CDC37: variants seen among roughly 807,000 people sequenced by gnomAD.
CDC37 encodes the protein cell division cycle 37, HSP90 cochaperone.
A neutral mutation model predicts 46.9 loss-of-function variants in CDC37; 9 were observed. That is an observed-to-expected ratio of 0.19 (90% CI 0.12 to 0.33). The LOEUF (loss-of-function observed/expected upper bound fraction) is 0.33, where lower values mean the gene tolerates loss of function less well. Among genes scored for constraint, CDC37 ranks in the 10% least tolerant of loss-of-function variants. The probability of loss-of-function intolerance (pLI) is 1.00; values close to 1 mark genes in which losing one functional copy is unlikely to be tolerated. For missense variants in CDC37, 388 were observed against 514.6 expected, an observed-to-expected ratio of 0.75 and a Z score of 2.38; for synonymous variants, 193 against 191.0, an observed-to-expected ratio of 1.01 and a Z score of -0.09.
At chr19:10,395,788 C>A in intron 2 of CDC37, 140 bp downstream of exon 2, 1 of 558,578 alleles carries the variant, frequency 1.8e-6, no homozygotes, top group Non-Finnish European at 2.9e-6. Flanking sequence ...CCCGTCCATC[C>A]CTCAGCTCCC....
At chr19:10,391,733 G>T (rs1194819543) in intron 7 of CDC37, 27 bp from the exon 8 acceptor site, 14 of 1,605,408 alleles carry the variant, frequency 8.7e-6, no homozygotes, top group Admixed American at 1.7e-5. Flanking sequence ...GGCAGATGAG[G>T]TGGGGCCGCC....
At chr19:10,402,110 T>C (rs1207067492) in intron 1 of CDC37, among the ~76,000 whole-genome samples, 1 of 141,752 alleles carries the variant, frequency 7.1e-6, no homozygotes, top group African/African-American at 2.7e-5. Flanking sequence ...TGAGCCAAGA[T>C]TGTGCCACTG....
At chr19:10,392,768 C>T in intron 7 of CDC37, 1 of 429,996 alleles carries the variant, frequency 2.3e-6, no homozygotes, top group Non-Finnish European at 4.2e-6. Flanking sequence ...CATGTGCTCA[C>T]CTCCCTTTCC....
In CDC37 at chr19:10,396,031, C is replaced by A. The variant is rs150997404; in HGVS notation, c.275G>T (p.Arg92Leu). 6.2e-7 allele frequency: 1 copy of A among 1,613,872 alleles called. No individual in the cohort carries two copies. The highest frequency in any genetic ancestry group is 8.5e-7 in the Non-Finnish European group (1 of 1,179,952). ...CTGCTCCCAGCTCCGCTCCTCCTTGCGCAGCTGCTGTGCCTCGGCCTGCAG... is the reference window on the plus strand; with the variant it reads ...CTGCTCCCAGCTCCGCTCCTCCTTGAGCAGCTGCTGTGCCTCGGCCTGCAG... ...ERLQAEAQQL[R>L]KEERSWEQKL... The change falls in exon 2 of 8, where the codon CGC becomes CTC. Residue 92 changes from arginine (R) to leucine (L), a missense_variant. By Grantham distance (102) the Arg-to-Leu change is moderately radical. Coordinates refer to ENST00000222005, the MANE Select transcript of CDC37 (RefSeq NM_007065.4). This position sits in a 1 kb window ranked among gnomAD's most constrained non-coding sequence, Gnocchi z 5.9.
At chr19:10,399,147 G>A (rs1055966589) in intron 1 of CDC37, among the ~76,000 whole-genome samples, 7 of 152,046 alleles carry the variant, frequency 4.6e-5, no homozygotes, top group Admixed American at 1.3e-4. Flanking sequence ...CCTGAGCCTC[G>A]GATTCCCCTA....
rs762736154 is a variant in CDC37, at chr19:10,393,329, T to G, written c.839A>C (p.Glu280Ala). 1.2e-6 allele frequency: 2 copies of G among 1,613,892 alleles called. No individual in the cohort carries two copies. Among genetic ancestry groups the G allele is most frequent in the South Asian group, 2.2e-5 (2 of 91,064 alleles). Reference protein sequence around the residue: ...RIEKAMKEYEEEERKKRLGPG... With the variant: ...RIEKAMKEYEAEERKKRLGPG... ...GCCGAGCCGCTTCTTGCGCTCCTCC[T>G]CCTCGTACTCCTTCATGGCCTTCTC... Residue 280 changes from glutamate (E) to alanine (A), a missense_variant, in exon 6 of 8, where the codon GAG becomes GCG. Transcript: ENST00000222005. This position sits in a 1 kb window ranked among gnomAD's most constrained non-coding sequence, Gnocchi z 4.9.
rs779427102 is a variant in CDC37, at chr19:10,391,720, G to A, written c.982-14C>T. 6.2e-7 allele frequency: 1 copy of A among 1,608,622 alleles called. No homozygotes were observed. The highest frequency in any genetic ancestry group is 8.5e-7 in the Non-Finnish European group (1 of 1,176,822). ...GTACTTTGCGTCCTGTGAGGAGAAG[G>A]CAGGCAGATGAGGTGGGGCCGCCAG... On this transcript the variant is annotated splice_polypyrimidine_tract_variant and intron_variant, in intron 7 of 7. Coordinates refer to ENST00000222005, the MANE Select transcript of CDC37 (RefSeq NM_007065.4).
chr19:10,391,569 C>T lies in CDC37; in HGVS notation c.1119G>A (p.Glu373=). Reference sequence around the variant, plus strand: ...GGGCAGGTCACACACTGACATCCTTCTCATCGCCCGTCTTGGGAACAGCTT... The same window carrying T: ...GGGCAGGTCACACACTGACATCCTTTTCATCGCCCGTCTTGGGAACAGCTT... The part of the protein sequence containing the change: ...LLEAVPKTGD[E]KDVSV The change falls in exon 8 of 8, where the codon GAG becomes GAA. Residue 373 remains glutamate (E), a synonymous_variant. Coordinates refer to ENST00000222005, the MANE Select transcript of CDC37 (RefSeq NM_007065.4). 1 of 1,614,240 alleles carries T rather than the reference C, an allele frequency of 6.2e-7. No individual in the cohort carries two copies. Among genetic ancestry groups the T allele is most frequent in the Non-Finnish European group, 8.5e-7 (1 of 1,180,036 alleles).
At chr19:10,402,182 A>G (rs896615869) in intron 1 of CDC37, among the ~76,000 whole-genome samples, 9 of 146,196 alleles carry the variant, frequency 6.2e-5, no homozygotes, top group Middle Eastern at 3.6e-3. Flanking sequence ...AAAAAAAAAA[A>G]GGAATACAAC....
intron 1 of CDC37, among the ~76,000 whole-genome samples, chr19:10,403,105 T>C (rs572907835): frequency 1.3e-5 from 2 of 152,120 alleles, no homozygotes; most frequent in South Asian, 2.1e-4. Flanking sequence ...CCAAGACTCG[T>C]CTAGGGGACT....
chr19:10,391,629 C>T lies in CDC37; in HGVS notation c.1059G>A (p.Glu353=). The T allele has an allele frequency of 1.2e-6, 2 of 1,614,242 alleles. No individual in the cohort carries two copies. The highest frequency in any genetic ancestry group is 1.1e-5 in the South Asian group (1 of 91,088). ...VPNSKASEAK[E]GEEAGPGDPL... ...GGTCCCCAGGACCTGCCTCCTCTCC[C>T]TCCTTGGCCTCGCTGGCCTTAGAGT... The change falls in exon 8 of 8, where the codon GAG becomes GAA. Residue 353 remains glutamate, a synonymous_variant. Coordinates refer to ENST00000222005, the MANE Select transcript of CDC37 (RefSeq NM_007065.4).
At position 10,403,534 on chromosome 19, in the gene CDC37, G is replaced by A. The variant is rs955834192; in HGVS notation, c.-55C>T. 4 of 1,358,704 alleles carry A rather than the reference G, an allele frequency of 2.9e-6. No individual in the cohort carries two copies. Among genetic ancestry groups the A allele is most frequent in the Non-Finnish European group, 3.1e-6 (3 of 959,456 alleles). The allele number at this position is 1,358,704 out of a possible 1,614,324, so 84.2% of individuals were successfully genotyped here. ...TCGGGTGGCGGCGACGGCGGCAGCA[G>A]TGGAGACTAGGAGCGCGGAGCCCCG... On this transcript the variant is annotated 5_prime_UTR_variant, in exon 1 of 8. Coordinates refer to ENST00000222005, the MANE Select transcript of CDC37 (RefSeq NM_007065.4).
chr19:10,393,588 T>G lies in CDC37; in HGVS notation c.727-147A>C. 1.3e-6 allele frequency: 1 copy of G among 792,180 alleles called. No individual in the cohort carries two copies. The highest frequency in any genetic ancestry group is 2.0e-5 in the South Asian group (1 of 49,776). 49.1% of individuals were successfully genotyped at this position (792,180 alleles called of 1,614,324 possible). On this transcript the variant is annotated intron_variant, in intron 5 of 7. Transcript: ENST00000222005. This position sits in a 1 kb window ranked among gnomAD's most constrained non-coding sequence, Gnocchi z 4.9. ...CCTACATGAAGGGCTCCCCAAGGCC[T>G]GGGCTCCCCCGCCGGGGACCTCATC...
intron 2 of CDC37, 56 bp from the exon 3 acceptor site, chr19:10,395,599 C>A (rs764253091): frequency 1.3e-5 from 18 of 1,369,044 alleles, no homozygotes; most frequent in Non-Finnish European, 1.9e-5. Flanking sequence ...GCGCCTCGAG[C>A]GCGGCCGGGC....
chr19:10,394,915 G>A (rs2042478961), intron 5 of CDC37, 106 bp downstream of exon 5: 2 of 1,227,422 alleles, frequency 1.6e-6, no homozygotes, highest in African/African-American at 1.5e-5. Context: ...TGCGGTGACT[G>A]GAGGGGCTTG....
At chr19:10,395,904 G>GGGCGC in intron 2 of CDC37, 24 bp downstream of exon 2, 3 of 1,541,894 alleles carry the variant, frequency 1.9e-6, no homozygotes, top group Non-Finnish European at 2.7e-6. Flanking sequence ...CATGCGCACT[G>GGGCGC]CCCGCCCCGC....
intron 7 of CDC37, among the ~76,000 whole-genome samples, chr19:10,392,008 G>A (rs1157134269): frequency 6.6e-6 from 1 of 152,132 alleles, no homozygotes; most frequent in Non-Finnish European, 1.5e-5. Context: ...TGCCATGTTG[G>A]CCAGGCTGGT....
At position 10,403,523 on chromosome 19, in the gene CDC37, C is replaced by G. The variant is rs769124829; in HGVS notation, c.-44G>C. 2 of 1,484,738 alleles carry G rather than the reference C, an allele frequency of 1.3e-6. No homozygotes were observed. The highest frequency in any genetic ancestry group is 2.3e-5 in the East Asian group (1 of 44,118). 92.0% of individuals were successfully genotyped at this position (1,484,738 alleles called of 1,614,324 possible). On this transcript the variant is annotated 5_prime_UTR_variant, in exon 1 of 8. Coordinates refer to ENST00000222005, the MANE Select transcript of CDC37 (RefSeq NM_007065.4). Reference sequence around the variant, plus strand: ...CCCGCTCCGGCTCGGGTGGCGGCGACGGCGGCAGCAGTGGAGACTAGGAGC... The same window carrying G: ...CCCGCTCCGGCTCGGGTGGCGGCGAGGGCGGCAGCAGTGGAGACTAGGAGC...
chr19:10,392,292 T>C (rs34266232), intron 7 of CDC37, among the ~76,000 whole-genome samples: 46,610 of 151,880 alleles, frequency 0.31, 7,447 homozygotes, highest in East Asian at 0.55. Context: ...AACAATTGAG[T>C]GTGGCTTCTT....
Sources: gnomAD v4.1 joint callset for allele counts (sites outside exome capture counted in the v4.1 genomes callset) on GRCh38, gnomAD v4.1.1 for gene constraint, Gnocchi (gnomAD v3.1) non-coding constraint, MANE v1.5 for transcripts, NCBI Gene and HGNC (gene_info 2026-07-23, HGNC 2026-07-21) for gene names.